The following PAN3 variants were observed in gnomAD, a reference collection of about 807,000 sequenced individuals.
The protein encoded by PAN3 is poly(A) specific ribonuclease subunit PAN3, also known as PAN2-PAN3 deadenylation complex subunit PAN3.
A neutral mutation model predicts 96.2 loss-of-function variants in PAN3; 19 were observed. That is an observed-to-expected ratio of 0.20 (90% CI 0.14 to 0.29). The LOEUF (loss-of-function observed/expected upper bound fraction) is 0.29. Among genes scored for constraint, PAN3 ranks in the 10% least tolerant of loss-of-function variants. The pLI is 1.00. For missense variants in PAN3, 882 were observed against 1,108.1 expected (o/e 0.80, Z 2.90); for synonymous variants, 433 against 406.6 (o/e 1.06, Z -0.78).
At chr13:28,223,844 A>G (rs1881678002) in intron 6 of PAN3, among the ~76,000 whole-genome samples, 1 of 138,638 alleles carries the variant, frequency 7.2e-6, no homozygotes, top group African/African-American at 2.7e-5. Flanking sequence ...AATAGTTTAT[A>G]CTTTAATTTT....
In PAN3 at chr13:28,193,073, C is replaced by A. The variant is rs187364254; in HGVS notation, c.691-4112C>A. On this transcript the variant is annotated intron_variant, in intron 4 of 18. Coordinates refer to ENST00000380958, the MANE Select transcript of PAN3 (RefSeq NM_175854.8). ...TAAAATACACCAACACTAATGATAG[C>A]TGATGAGCTTTAAAAAAATGGCAAA... is the stretch of plus-strand genomic sequence containing the variant. 2.6e-5 allele frequency among the ~76,000 whole-genome samples: 4 copies of A among 152,254 alleles called. No individual in the cohort carries two copies. The East Asian group carries it at 7.7e-4, about 29-fold the overall frequency.
At chr13:28,270,904 G>T in intron 13 of PAN3, 38 bp downstream of exon 13, 1 of 1,579,072 alleles carries the variant, frequency 6.3e-7, no homozygotes, top group Non-Finnish European at 8.7e-7. Flanking sequence ...TTTATTGAGC[G>T]TCTTACCTTT....
rs191524209 is a variant in PAN3 at position 28,288,245 on chromosome 13, G to A, written c.2523+123G>A. Reference sequence around the variant, plus strand: ...GTACTCTTAAAGTAGCCTGTAAGACGTTTTATTAATAACATTTTCTACAAT... The same window carrying A: ...GTACTCTTAAAGTAGCCTGTAAGACATTTTATTAATAACATTTTCTACAAT... On this transcript the variant is annotated intron_variant, in intron 18 of 18. Coordinates refer to ENST00000380958, the MANE Select transcript of PAN3 (RefSeq NM_175854.8). 43 of 831,700 alleles carry A rather than the reference G, an allele frequency of 5.2e-5. No homozygotes were observed. In the East Asian group the frequency reaches 9.2e-4, roughly 18 times the overall value. 51.5% of individuals were successfully genotyped at this position (831,700 alleles called of 1,614,324 possible).
At chr13:28,277,644 A>G (rs1887169377) in intron 15 of PAN3, among the ~76,000 whole-genome samples, 1 of 152,236 alleles carries the variant, frequency 6.6e-6, no homozygotes, top group South Asian at 2.1e-4. Context: ...GACCTTTTAC[A>G]TTGATATTAA....
chr13:28,256,512 C>T lies in PAN3; in HGVS notation c.1221C>T (p.Asp407=). 1 of 1,613,916 alleles carries T rather than the reference C, an allele frequency of 6.2e-7. No homozygotes were observed. Among genetic ancestry groups the T allele is most frequent in the Non-Finnish European group, 8.5e-7 (1 of 1,179,874 alleles). Residue 407 remains aspartate, a synonymous_variant, in exon 7 of 19, where the codon GAC becomes GAT. Transcript: ENST00000380958. The stretch of plus-strand genomic sequence containing the variant: ...GTGGGACGACTTACTTCTATACAGA[C>T]ACAACTCCAGCACCTTTGACTGGAA... ...TVGGTTYFYT[D]TTPAPLTGMV...
chr13:28,257,534 C>T (rs1263908314), intron 7 of PAN3, among the ~76,000 whole-genome samples: 1 of 151,020 alleles, frequency 6.6e-6, no homozygotes, highest in Non-Finnish European at 1.5e-5. Flanking sequence ...CGTATTTACA[C>T]CCACTCCCCA....
At chr13:28,170,762 A>T (rs985607162) in intron 1 of PAN3, among the ~76,000 whole-genome samples, 19 of 151,738 alleles carry the variant, frequency 1.3e-4, no homozygotes, top group African/African-American at 4.4e-4. Flanking sequence ...CATTGTAAAG[A>T]AAGTCATAAG....
intron 18 of PAN3, 98 bp from the exon 19 acceptor site, chr13:28,292,284 A>G: frequency 1.1e-6 from 1 of 942,718 alleles, no homozygotes. Context: ...GGAATGTGAC[A>G]AAAAAAATTT....
intron 1 of PAN3, among the ~76,000 whole-genome samples, chr13:28,155,360 C>T (rs1450324319): frequency 6.6e-6 from 1 of 151,978 alleles, no homozygotes; most frequent in African/African-American, 2.4e-5. Flanking sequence ...GAGGCCGAGG[C>T]GGGTGAATCA....
intron 4 of PAN3, among the ~76,000 whole-genome samples, chr13:28,190,602 A>T (rs1877124831): frequency 6.6e-6 from 1 of 152,158 alleles, no homozygotes; most frequent in Non-Finnish European, 1.5e-5. Context: ...GTATTAGTCC[A>T]TTTTGACACT....
chr13:28,293,271 T>G lies in PAN3; in HGVS notation c.*749T>G, dbSNP rs2138782220. 6.6e-6 allele frequency: 1 copy of G among 152,184 alleles called. No individual in the cohort carries two copies. 9.4% of individuals were successfully genotyped at this position (152,184 alleles called of 1,614,324 possible). ...GAGCCTTTTTAAAAAGACATTTGCC[T>G]GCTAGTCAGATACATTTACATTTAT... On this transcript the variant is annotated 3_prime_UTR_variant, in exon 19 of 19. Coordinates refer to ENST00000380958, the MANE Select transcript of PAN3 (RefSeq NM_175854.8).
At chr13:28,225,524 A>G (rs1259851620) in intron 6 of PAN3, among the ~76,000 whole-genome samples, 3 of 152,250 alleles carry the variant, frequency 2.0e-5, no homozygotes, top group South Asian at 2.1e-4. Context: ...TGGGATTTAC[A>G]TAGTCCAGCC....
chr13:28,266,710 T>C lies in PAN3; in HGVS notation c.1412-5T>C, dbSNP rs563326521. ...TTCAAGTCATCTTCTTATGAATTAC[T>C]CTAGCAGTTCCTACAGAGGTTGACA... is the stretch of plus-strand genomic sequence containing the variant. On this transcript the variant is annotated splice_region_variant and splice_polypyrimidine_tract_variant and intron_variant, in intron 9 of 18. Coordinates refer to ENST00000380958, the MANE Select transcript of PAN3 (RefSeq NM_175854.8). The C allele has an allele frequency of 3.2e-6, 5 of 1,561,830 alleles. No homozygotes were observed. Among genetic ancestry groups the C allele is most frequent in the Admixed American group, 2.0e-5 (1 of 48,820 alleles).
intron 3 of PAN3, among the ~76,000 whole-genome samples, chr13:28,177,511 C>G (rs1455868259): frequency 6.6e-6 from 1 of 151,804 alleles, no homozygotes; most frequent in Non-Finnish European, 1.5e-5. Context: ...TTTTATCCTT[C>G]CCAAGATATG....
At chr13:28,205,655 A>T (rs149705255) in intron 5 of PAN3, among the ~76,000 whole-genome samples, 90 of 152,196 alleles carry the variant, frequency 5.9e-4, no homozygotes, top group African/African-American at 2.0e-3. Flanking sequence ...CCTGGGCAAC[A>T]TAGTGAGACC....
chr13:28,175,068 C>T (rs1020048918), intron 2 of PAN3, among the ~76,000 whole-genome samples: 2 of 151,828 alleles, frequency 1.3e-5, no homozygotes, highest in African/African-American at 4.8e-5. Context: ...TTGTATTGCA[C>T]AATTTTGTAG....
At chr13:28,191,177 T>G (rs2138194492) in intron 4 of PAN3, among the ~76,000 whole-genome samples, 1 of 152,278 alleles carries the variant, frequency 6.6e-6, no homozygotes, top group East Asian at 1.9e-4. Flanking sequence ...CTTTAGTAAA[T>G]AAATATTTCC....
rs1036182364 is a variant in PAN3 at position 28,166,835 on chromosome 13, G to T, written c.431-7437G>T. Among the ~76,000 whole-genome samples, 3 of 152,168 alleles carry T rather than the reference G, an allele frequency of 2.0e-5. No homozygotes were observed. In the East Asian group the frequency reaches 5.8e-4, roughly 29 times the overall value. On this transcript the variant is annotated intron_variant, in intron 1 of 18. Transcript: ENST00000380958. ...TGGCTGCACTTGAGCCACAGTGGGG[G>T]TAGTCAGGGAGTCTTGCTTGGGAAT...
At chr13:28,155,035 C>G (rs934325163) in intron 1 of PAN3, among the ~76,000 whole-genome samples, 9 of 150,110 alleles carry the variant, frequency 6.0e-5, no homozygotes, top group African/African-American at 2.2e-4. Context: ...TCACCGTGGT[C>G]TCGATCTCCT....
Sources: allele counts gnomAD v4.1 joint callset (sites outside exome capture counted in the v4.1 genomes callset), GRCh38; gene constraint gnomAD v4.1.1; transcripts MANE v1.5; gene names NCBI Gene and HGNC (gene_info 2026-07-23, HGNC 2026-07-21).